KREMEN1: variants seen among roughly 807,000 people sequenced by gnomAD.
KREMEN1 encodes the protein kremen protein 1.
A neutral mutation model predicts 46.5 loss-of-function variants in KREMEN1; 30 were observed. That is an observed-to-expected ratio of 0.65 (90% CI 0.48 to 0.88). The LOEUF is 0.88. Among genes scored for constraint, KREMEN1 ranks in the 40% least tolerant of loss-of-function variants. KREMEN1 has a pLI of 0.00. For synonymous variants in KREMEN1, 214 were observed against 230.6 expected, an observed-to-expected ratio of 0.93 and a Z score of 0.65; for missense variants, 533 against 596.9, an observed-to-expected ratio of 0.89 and a Z score of 1.11.
intron 3 of KREMEN1, among the ~76,000 whole-genome samples, chr22:29,119,317 A>G (rs539845125): frequency 1.7e-4 from 26 of 152,346 alleles, no homozygotes; most frequent in Non-Finnish European, 1.0e-4. Flanking sequence ...TGGCACAGAT[A>G]TTTATTCACC....
At chr22:29,154,903 C>G (rs1295338563) in intron 9 of KREMEN1, 1 of 152,102 alleles carries the variant, frequency 6.6e-6, no homozygotes, top group Non-Finnish European at 1.5e-5. Flanking sequence ...TCTCACCAAG[C>G]CCTCTAAAGA....
At chr22:29,135,834 G>T (rs1008158116) in intron 5 of KREMEN1, among the ~76,000 whole-genome samples, 1 of 152,158 alleles carries the variant, frequency 6.6e-6, no homozygotes, top group Non-Finnish European at 1.5e-5. Context: ...ATGGGGCTTT[G>T]ATTTTGTAGA....
At chr22:29,092,674 C>A (rs1451528358) in intron 1 of KREMEN1, among the ~76,000 whole-genome samples, 1 of 152,170 alleles carries the variant, frequency 6.6e-6, no homozygotes, top group Non-Finnish European at 1.5e-5. Context: ...TTGCACCAAA[C>A]ATGATAAATT....
chr22:29,078,718 TGAGA>T (rs1186339029), intron 1 of KREMEN1, among the ~76,000 whole-genome samples: 1 of 152,238 alleles, frequency 6.6e-6, no homozygotes, highest in Non-Finnish European at 1.5e-5. Flanking sequence ...GCAAAACACT[TGAGA>T]GAGGCCGGAA....
chr22:29,091,293 A>G (rs1424056288), intron 1 of KREMEN1, among the ~76,000 whole-genome samples: 26 of 151,922 alleles, frequency 1.7e-4, no homozygotes, highest in Non-Finnish European at 1.0e-4. Context: ...TTTATTACAC[A>G]TTCTGCTACA....
chr22:29,088,003 A>C (rs775867286), intron 1 of KREMEN1, among the ~76,000 whole-genome samples: 4 of 152,206 alleles, frequency 2.6e-5, no homozygotes, highest in Non-Finnish European at 4.4e-5. Flanking sequence ...TGATTAGTAT[A>C]AATATTGAAT....
In KREMEN1 at chr22:29,142,093, A is replaced by G. The variant is rs1208267881; in HGVS notation, c.1358A>G (p.Asn453Ser). 8.7e-6 allele frequency: 14 copies of G among 1,608,618 alleles called. No homozygotes were observed. The highest frequency in any genetic ancestry group is 2.3e-5 in the East Asian group (1 of 44,438). ...LKGQSQQDDR[N>S]PLVSD The stretch of plus-strand genomic sequence containing the variant: ...GGTCAGAGTCAACAAGATGACCGCA[A>G]TCCCCTTGTGAGTGACTAAAAACCC... The change falls in exon 9 of 9, where the codon AAT becomes AGT. Residue 453 changes from asparagine to serine, a missense_variant. By Grantham distance (46) the Asn-to-Ser change is conservative. Coordinates refer to ENST00000400335, the MANE Select transcript of KREMEN1 (RefSeq NM_001039570.3).
At chr22:29,123,966 A>G (rs1411744394) in intron 4 of KREMEN1, among the ~76,000 whole-genome samples, 1 of 152,194 alleles carries the variant, frequency 6.6e-6, no homozygotes, top group African/African-American at 2.4e-5. Context: ...GGACTTTCAT[A>G]TATTGTTGGT....
intron 1 of KREMEN1, among the ~76,000 whole-genome samples, chr22:29,079,436 C>T (rs1217681344): frequency 2.0e-5 from 3 of 152,368 alleles, no homozygotes; most frequent in South Asian, 2.1e-4. Context: ...TCCCTTGCCA[C>T]GGATTTAATC....
intron 5 of KREMEN1, among the ~76,000 whole-genome samples, chr22:29,132,905 T>C (rs963120927): frequency 3.9e-5 from 6 of 152,194 alleles, no homozygotes; most frequent in African/African-American, 1.2e-4. Context: ...CTATCTTTAT[T>C]CCCCTGTATG....
At chr22:29,131,745 T>C (rs1264139879) in intron 5 of KREMEN1, among the ~76,000 whole-genome samples, 3 of 136,652 alleles carry the variant, frequency 2.2e-5, no homozygotes, top group Non-Finnish European at 4.6e-5. Context: ...TGTGTATATA[T>C]ATGTATATAT....
intron 1 of KREMEN1, among the ~76,000 whole-genome samples, chr22:29,078,421 A>G (rs913664771): frequency 9.9e-5 from 15 of 151,680 alleles, no homozygotes; most frequent in South Asian, 2.1e-4. Flanking sequence ...TGAGAGATCT[A>G]TTTCTCAGAG....
At chr22:29,136,985 GGT>G (rs2038669664) in intron 5 of KREMEN1, among the ~76,000 whole-genome samples, 1 of 152,166 alleles carries the variant, frequency 6.6e-6, no homozygotes, top group Non-Finnish European at 1.5e-5. Context: ...AGGAGCAGAT[GGT>G]GCTCTCTCCA....
intron 5 of KREMEN1, among the ~76,000 whole-genome samples, chr22:29,136,463 A>G (rs2038658936): frequency 6.6e-6 from 1 of 151,592 alleles, no homozygotes; most frequent in Non-Finnish European, 1.5e-5. Context: ...AGTCCCAGCT[A>G]CTCGGAAGGC....
At chr22:29,133,202 C>T (rs1023827689) in intron 5 of KREMEN1, among the ~76,000 whole-genome samples, 3 of 146,982 alleles carry the variant, frequency 2.0e-5, no homozygotes, top group East Asian at 2.0e-4. Context: ...GAGCAGAGAT[C>T]GCGTCATTGC....
At chr22:29,149,070 C>A (rs1176982575), downstream of KREMEN1, among the ~76,000 whole-genome samples, 1 of 152,134 alleles carries the variant, frequency 6.6e-6, no homozygotes, top group Non-Finnish European at 1.5e-5. Context: ...ACATGGAGTC[C>A]GTGCCCTTCA....
chr22:29,097,105 G>A (rs1171948753), intron 2 of KREMEN1, among the ~76,000 whole-genome samples: 2 of 152,198 alleles, frequency 1.3e-5, no homozygotes, highest in Admixed American at 1.3e-4. Flanking sequence ...TATCTTCTAC[G>A]CCACATGACA....
chr22:29,118,600 C>A (rs1314669830), intron 3 of KREMEN1, among the ~76,000 whole-genome samples: 1 of 152,082 alleles, frequency 6.6e-6, no homozygotes, highest in Non-Finnish European at 1.5e-5. Context: ...AGAGAGGGGG[C>A]TCTGGTCTCT....
chr22:29,131,747 T>C (rs1379123162), intron 5 of KREMEN1, among the ~76,000 whole-genome samples: 18 of 135,360 alleles, frequency 1.3e-4, no homozygotes, highest in African/African-American at 5.0e-4. Context: ...TGTATATATA[T>C]GTATATATGT....
Sources: gnomAD v4.1 joint callset for allele counts (sites outside exome capture counted in the v4.1 genomes callset) on GRCh38, gnomAD v4.1.1 for gene constraint, MANE v1.5 for transcripts, NCBI Gene and HGNC (gene_info 2026-07-23, HGNC 2026-07-21) for gene names.